Variants in LINGO2 observed in about 807,000 individuals in gnomAD.
LINGO2 encodes the protein leucine-rich repeat and immunoglobulin-like domain-containing nogo receptor-interacting protein 2.
In LINGO2, 14 loss-of-function variants were observed where a neutral mutation model predicts 30.6. That is an observed-to-expected ratio of 0.46 (90% CI 0.30 to 0.72). The LOEUF (loss-of-function observed/expected upper bound fraction) is 0.72. LINGO2 is among the 30% of genes least tolerant of loss of function. LINGO2 has a pLI of 0.07. For synonymous variants in LINGO2, 317 were observed against 288.5 expected (o/e 1.10, Z -1.00); for missense variants, 729 against 751.7 (o/e 0.97, Z 0.35).
the LINGO2 span, among the ~76,000 whole-genome samples, chr9:28,802,144 T>C: frequency 3.3e-5 from 5 of 152,020 alleles, no homozygotes; most frequent in African/African-American, 1.2e-4. Flanking sequence ...TAGTTTACCT[T>C]CTAGAATATA....
the LINGO2 span, among the ~76,000 whole-genome samples, chr9:28,800,552 T>C: frequency 6.6e-6 from 1 of 152,042 alleles, no homozygotes; most frequent in Non-Finnish European, 1.5e-5. Context: ...ATCAATTCTC[T>C]ACTCAATGCT....
chr9:28,875,077 G>A, the LINGO2 span, among the ~76,000 whole-genome samples: 29 of 152,118 alleles, frequency 1.9e-4, no homozygotes, highest in South Asian at 1.0e-3. Flanking sequence ...AAAAACACAA[G>A]TAGAAATTAC....
At chr9:28,580,117 C>T (rs781452547) in intron 1 of LINGO2, among the ~76,000 whole-genome samples, 1 of 151,994 alleles carries the variant, frequency 6.6e-6, no homozygotes, top group South Asian at 2.1e-4. Flanking sequence ...GGAATAGAAT[C>T]CTCTTCAAAC....
At chr9:28,192,663 C>T (rs951598051) in intron 4 of LINGO2, among the ~76,000 whole-genome samples, 4 of 152,154 alleles carry the variant, frequency 2.6e-5, no homozygotes, top group East Asian at 1.9e-4. Flanking sequence ...ATGGTAACAC[C>T]GCAATGTTCT....
chr9:28,226,266 G>T (rs1821139885), intron 4 of LINGO2, among the ~76,000 whole-genome samples: 1 of 152,184 alleles, frequency 6.6e-6, no homozygotes, highest in African/African-American at 2.4e-5. Context: ...GGAAAGCTCA[G>T]CTACATCTCT....
At chr9:28,282,681 G>A (rs1200688823) in intron 4 of LINGO2, among the ~76,000 whole-genome samples, 2 of 152,162 alleles carry the variant, frequency 1.3e-5, no homozygotes, top group East Asian at 3.9e-4. Flanking sequence ...CATCAACTAT[G>A]CCCTGGAGAT....
At chr9:28,895,298 C>G in the LINGO2 span, among the ~76,000 whole-genome samples, 2 of 152,066 alleles carry the variant, frequency 1.3e-5, no homozygotes. Context: ...AACAAGCAAA[C>G]CTGGCAAACA....
chr9:27,990,144 A>T (rs774231667), intron 5 of LINGO2, among the ~76,000 whole-genome samples: 2 of 151,988 alleles, frequency 1.3e-5, no homozygotes, highest in Non-Finnish European at 2.9e-5. Flanking sequence ...TTACACATAC[A>T]TTGTCCAACT....
intron 1 of LINGO2, among the ~76,000 whole-genome samples, chr9:28,614,543 T>C (rs999453675): frequency 2.6e-5 from 4 of 152,114 alleles, no homozygotes; most frequent in Non-Finnish European, 4.4e-5. Context: ...TGAATATCCA[T>C]GAAATAAGTT....
chr9:28,049,614 ATCT>A (rs1824580164), intron 4 of LINGO2, among the ~76,000 whole-genome samples: 1 of 150,678 alleles, frequency 6.6e-6, no homozygotes, highest in South Asian at 2.1e-4. Flanking sequence ...TATTATTCAA[ATCT>A]TATCTAAAAA....
At position 28,004,360 on chromosome 9, in the gene LINGO2, C is replaced by A. The variant is rs548198818; in HGVS notation, c.-36+7995G>T. Among the ~76,000 whole-genome samples the A allele has an allele frequency of 7.9e-5, 12 of 152,238 alleles. 1 individual carries two copies. In the South Asian group the frequency reaches 2.5e-3, roughly 32 times the overall value. ...AAAAGGTAGAGATTTTTATCCGATT[C>A]ATTTTTTTCTCTCACAGCTTAAAGC... On this transcript the variant is annotated intron_variant, in intron 5 of 5. Transcript: ENST00000379992.
the LINGO2 span, among the ~76,000 whole-genome samples, chr9:29,043,866 C>G: frequency 3.3e-5 from 5 of 151,988 alleles, no homozygotes; most frequent in Non-Finnish European, 7.4e-5. Flanking sequence ...CGCAATTTTG[C>G]ACAATGCAAT....
the LINGO2 span, among the ~76,000 whole-genome samples, chr9:28,701,128 T>A: frequency 6.6e-6 from 1 of 152,036 alleles, no homozygotes; most frequent in African/African-American, 2.4e-5. Context: ...ATCTTAACAA[T>A]GTCTTGCCCG....
intron 1 of LINGO2, among the ~76,000 whole-genome samples, chr9:28,639,289 A>C (rs1827449706): frequency 6.6e-6 from 1 of 152,282 alleles, no homozygotes; most frequent in Non-Finnish European, 1.5e-5. Flanking sequence ...AGAAGAATGT[A>C]TATTCTGTTG....
chr9:28,519,397 A>G (rs1428212191), intron 1 of LINGO2, among the ~76,000 whole-genome samples: 1 of 152,152 alleles, frequency 6.6e-6, no homozygotes, highest in East Asian at 1.9e-4. Context: ...GTTCAGGTAA[A>G]TAGTAAGAGC....
intron 2 of LINGO2, among the ~76,000 whole-genome samples, chr9:28,403,349 G>C (rs905271517): frequency 6.6e-6 from 1 of 152,164 alleles, no homozygotes; most frequent in Non-Finnish European, 1.5e-5. Context: ...CTACAGGATG[G>C]CAGGGGTTGC....
chr9:28,491,110 T>C (rs760975035), intron 1 of LINGO2, among the ~76,000 whole-genome samples: 1 of 152,200 alleles, frequency 6.6e-6, no homozygotes, highest in Non-Finnish European at 1.5e-5. Flanking sequence ...TGTAACAAAT[T>C]ACTACAAACT....
the LINGO2 span, among the ~76,000 whole-genome samples, chr9:28,854,817 C>G: frequency 6.6e-6 from 1 of 151,990 alleles, no homozygotes; most frequent in East Asian, 1.9e-4. Flanking sequence ...CCAAAATTTG[C>G]AAATTCAGCC....
intron 2 of LINGO2, among the ~76,000 whole-genome samples, chr9:28,398,072 A>G (rs553729494): frequency 1.3e-5 from 2 of 152,348 alleles, no homozygotes; most frequent in African/African-American, 2.4e-5. Flanking sequence ...AAATGCCATT[A>G]TAAGTGCCAG....
Sources: gnomAD v4.1 joint callset for allele counts (sites outside exome capture counted in the v4.1 genomes callset) on GRCh38, gnomAD v4.1.1 for gene constraint, MANE v1.5 for transcripts, NCBI Gene and HGNC (gene_info 2026-07-23, HGNC 2026-07-21) for gene names.